HMCN1: variants seen among roughly 807,000 people sequenced by gnomAD.
HMCN1 encodes the protein hemicentin 1.
A neutral mutation model predicts 625.9 loss-of-function variants in HMCN1; 321 were observed. That is an observed-to-expected ratio of 0.51 (90% CI 0.47 to 0.56). HMCN1 has a LOEUF of 0.56. Among genes scored for constraint, HMCN1 ranks in the 20% least tolerant of loss-of-function variants. The pLI, the probability that HMCN1 is intolerant of heterozygous loss-of-function variation, is 0.00. For missense variants in HMCN1, 6,588 were observed against 6,887.3 expected (o/e 0.96, Z 1.54); for synonymous variants, 2,425 against 2,417.6 (o/e 1.00, Z -0.09).
chr1:185,868,583 C>T (rs994778803), intron 4 of HMCN1, among the ~76,000 whole-genome samples: 4 of 152,082 alleles, frequency 2.6e-5, no homozygotes, highest in Admixed American at 6.5e-5. Flanking sequence ...CTCCCCCTTC[C>T]GTCATGATTA....
chr1:186,133,866 A>G lies in HMCN1; in HGVS notation c.13312+1457A>G, dbSNP rs1055609521. 2.0e-5 allele frequency among the ~76,000 whole-genome samples: 3 copies of G among 150,812 alleles called. No individual in the cohort carries two copies. The East Asian group carries it at 6.0e-4, about 30-fold the overall frequency. Reference sequence around the variant, plus strand: ...TTTATTAAATATATAAAGAACAGTTACTATGTGCTCAGCCCTCCTTAGGCA... The same window carrying G: ...TTTATTAAATATATAAAGAACAGTTGCTATGTGCTCAGCCCTCCTTAGGCA... On this transcript the variant is annotated intron_variant, in intron 86 of 106. Coordinates refer to ENST00000271588, the MANE Select transcript of HMCN1 (RefSeq NM_031935.3).
At chr1:186,148,514 G>GT (rs1057015857) in intron 93 of HMCN1, among the ~76,000 whole-genome samples, 75 of 151,756 alleles carry the variant, frequency 4.9e-4, no homozygotes, top group East Asian at 1.2e-3. Flanking sequence ...ATTTCTTTCT[G>GT]TTTTTTTTGT....
rs764371593 is a variant in HMCN1, at chr1:186,187,929, C to T, written c.16461C>T (p.Arg5487=). ...AGAATGTGCACTGTGGACCCAATCGCATGTGCTTCAACATGAGAGGAAGCT... is the reference window on the plus strand; with the variant it reads ...AGAATGTGCACTGTGGACCCAATCGTATGTGCTTCAACATGAGAGGAAGCT... ...LEQNVHCGPN[R]MCFNMRGSYQ... The change falls in exon 106 of 107, where the codon CGC becomes CGT. Residue 5487 remains arginine, a synonymous_variant. Coordinates refer to ENST00000271588, the MANE Select transcript of HMCN1 (RefSeq NM_031935.3). 1.9e-6 allele frequency: 3 copies of T among 1,613,746 alleles called. No individual in the cohort carries two copies. The highest frequency in any genetic ancestry group is 2.5e-6 in the Non-Finnish European group (3 of 1,179,740).
Position 186,130,047 on chromosome 1 carries a change from C to T in HMCN1, c.12986C>T (p.Thr4329Ile), listed in dbSNP as rs200984902. Reference sequence around the variant, plus strand: ...GAGGATTCAGGTACTTATGTGTGCACCGCAGAGAACAGCGTTGGCTTTGTG... The same window carrying T: ...GAGGATTCAGGTACTTATGTGTGCATCGCAGAGAACAGCGTTGGCTTTGTG... ...SKEDSGTYVC[T>I]AENSVGFVKA... is the part of the protein sequence containing the mutation. Residue 4329 changes from threonine to isoleucine, a missense_variant, in exon 84 of 107, where the codon ACC becomes ATC. By Grantham distance (89) the Thr-to-Ile change is moderately conservative. This residue lies in a region of HMCN1 where 1,954 missense variants were observed against 2,013.1 expected (regional missense o/e 0.97). Transcript: ENST00000271588. 69 of 1,613,250 alleles carry T rather than the reference C, an allele frequency of 4.3e-5. No homozygotes were observed. The Middle Eastern group carries it at 6.6e-4, about 15-fold the overall frequency.
intron 1 of HMCN1, among the ~76,000 whole-genome samples, chr1:185,797,638 G>GTTGTT (rs1215969632): frequency 6.6e-6 from 1 of 152,096 alleles, no homozygotes; most frequent in Admixed American, 6.5e-5. Context: ...TTGTTACCTA[G>GTTGTT]TTGTTTTATA....
intron 75 of HMCN1, 113 bp downstream of exon 75, chr1:186,115,527 C>A: frequency 9.9e-7 from 1 of 1,008,570 alleles, no homozygotes; most frequent in Non-Finnish European, 1.5e-6. Context: ...AATTAGCTAG[C>A]ATATAGAGGG....
Position 186,019,671 on chromosome 1 carries a change from G to A in HMCN1, c.5601G>A (p.Val1867=). The part of the protein sequence containing the change: ...SITWLKDDQP[V]NTAQGNLKIQ... Reference sequence around the variant, plus strand: ...CATGGTTAAAAGATGACCAGCCTGTGAACACTGCCCAAGGAAACCTTAAAG... The same window carrying A: ...CATGGTTAAAAGATGACCAGCCTGTAAACACTGCCCAAGGAAACCTTAAAG... The change falls in exon 35 of 107, where the codon GTG becomes GTA. Residue 1867 remains valine (V), a synonymous_variant. Transcript: ENST00000271588. 2 of 1,612,188 alleles carry A rather than the reference G, an allele frequency of 1.2e-6. No homozygotes were observed. Among genetic ancestry groups the A allele is most frequent in the Non-Finnish European group, 1.7e-6 (2 of 1,178,642 alleles).
At chr1:185,949,724 G>A (rs1477994593) in intron 11 of HMCN1, among the ~76,000 whole-genome samples, 3 of 152,008 alleles carry the variant, frequency 2.0e-5, no homozygotes, top group Non-Finnish European at 4.4e-5. Context: ...TGTAGGAAAG[G>A]CCTCTACCTA....
intron 1 of HMCN1, among the ~76,000 whole-genome samples, chr1:185,839,692 C>A (rs1011366492): frequency 2.0e-4 from 30 of 152,234 alleles, no homozygotes; most frequent in African/African-American, 7.2e-4. Flanking sequence ...TTAAGGAGTT[C>A]TTCTTTGCTT....
chr1:186,077,536 A>G (rs902414384), intron 54 of HMCN1, among the ~76,000 whole-genome samples: 4 of 152,198 alleles, frequency 2.6e-5, no homozygotes, highest in Non-Finnish European at 5.9e-5. Context: ...GATTATATAC[A>G]TATGACAGAG....
intron 1 of HMCN1, among the ~76,000 whole-genome samples, chr1:185,817,913 G>A (rs765545534): frequency 6.6e-6 from 1 of 152,118 alleles, no homozygotes; most frequent in South Asian, 2.1e-4. Context: ...GTCCTTTACA[G>A]CTACTATGCT....
In HMCN1 at chr1:186,178,495, T is replaced by C; in HGVS notation, c.16023T>C (p.Cys5341=). ...CCCCCGGCAGCTTCAAGTGTATCTGTCCACCAGGACAACATTTATTAGGGG... is the reference window on the plus strand; with the variant it reads ...CCCCCGGCAGCTTCAAGTGTATCTGCCCACCAGGACAACATTTATTAGGGG... ...SNTPGSFKCI[C]PPGQHLLGDG... The change falls in exon 104 of 107, where the codon TGT becomes TGC. Residue 5341 remains cysteine, a synonymous_variant. Coordinates refer to ENST00000271588, the MANE Select transcript of HMCN1 (RefSeq NM_031935.3). The C allele has an allele frequency of 6.2e-7, 1 of 1,614,120 alleles. No individual in the cohort carries two copies. Among genetic ancestry groups the C allele is most frequent in the Non-Finnish European group, 8.5e-7 (1 of 1,179,988 alleles).
intron 1 of HMCN1, among the ~76,000 whole-genome samples, chr1:185,796,987 C>T (rs1658431606): frequency 6.6e-6 from 1 of 152,180 alleles, no homozygotes; most frequent in African/African-American, 2.4e-5. Flanking sequence ...TTCCTTTTCT[C>T]TGCATCCTCG....
chr1:185,986,150 C>T (rs1340719082), intron 19 of HMCN1, among the ~76,000 whole-genome samples: 1 of 152,052 alleles, frequency 6.6e-6, no homozygotes, highest in African/African-American at 2.4e-5. Flanking sequence ...TTGTTTAGGG[C>T]TGGGGATTTG....
chr1:185,976,568 T>C (rs1025445950), intron 15 of HMCN1, among the ~76,000 whole-genome samples: 4 of 152,208 alleles, frequency 2.6e-5, no homozygotes, highest in Non-Finnish European at 4.4e-5. Flanking sequence ...AAGGGGAAGT[T>C]AATATAATCA....
intron 1 of HMCN1, among the ~76,000 whole-genome samples, chr1:185,781,805 T>A (rs1657135609): frequency 1.3e-5 from 2 of 152,248 alleles, no homozygotes; most frequent in Non-Finnish European, 1.5e-5. Flanking sequence ...GATGTGGTGC[T>A]GAGAAGCATG....
chr1:186,061,119 A>G (rs564566208), intron 46 of HMCN1, among the ~76,000 whole-genome samples: 1 of 152,126 alleles, frequency 6.6e-6, no homozygotes, highest in Admixed American at 6.6e-5. Context: ...CTCTTCATTC[A>G]TACTCCACTC....
At chr1:185,852,847 T>C (rs1451967298) in intron 2 of HMCN1, among the ~76,000 whole-genome samples, 3 of 152,120 alleles carry the variant, frequency 2.0e-5, no homozygotes, top group African/African-American at 7.2e-5. Context: ...ATATGTGCCT[T>C]GCAAAAGGTT....
intron 83 of HMCN1, 136 bp downstream of exon 83, chr1:186,128,427 G>T: frequency 1.3e-6 from 1 of 744,348 alleles, no homozygotes; most frequent in Non-Finnish European, 2.3e-6. Flanking sequence ...GTGTGCCTCT[G>T]CTTGGATTTT....
Sources: gnomAD v4.1 joint callset for allele counts (sites outside exome capture counted in the v4.1 genomes callset) on GRCh38, gnomAD v4.1.1 for gene constraint, gnomAD v4.1.1 regional missense constraint, MANE v1.5 for transcripts, NCBI Gene and HGNC (gene_info 2026-07-23, HGNC 2026-07-21) for gene names.